MID1: variants seen among roughly 807,000 people sequenced by gnomAD.
MID1 encodes the protein E3 ubiquitin-protein ligase Midline-1.
Under a neutral mutation model 40.4 loss-of-function variants are expected in MID1, and 7 were observed. The ratio of observed to expected loss-of-function variants is 0.17; its 90% confidence interval spans 0.10 to 0.33. MID1 has a LOEUF of 0.33. MID1 is among the 10% of genes least tolerant of loss of function. The probability of loss-of-function intolerance (pLI) is 1.00; values close to 1 mark genes in which losing one functional copy is unlikely to be tolerated. For missense variants in MID1, 367 were observed against 558.5 expected (o/e 0.66, Z 3.46); for synonymous variants, 229 against 221.2 (o/e 1.04, Z -0.31).
At chrX:10,774,266 A>C (rs1392548578) in intron 1 of MID1, among the ~76,000 whole-genome samples, 1 of 111,210 alleles carries the variant, frequency 9.0e-6, no homozygotes, top group Admixed American at 9.6e-5. Flanking sequence ...ATGAAGGATC[A>C]GATAAAGAAA....
At chrX:10,585,914 G>C (rs1935131310) in intron 1 of MID1, among the ~76,000 whole-genome samples, 1 of 111,653 alleles carries the variant, frequency 9.0e-6, no homozygotes, top group Non-Finnish European at 1.9e-5. Context: ...ATTTCAAGGT[G>C]ACTTGTTTGG....
At chrX:10,717,720 C>G (rs1419117555) in intron 1 of MID1, among the ~76,000 whole-genome samples, 2 of 109,638 alleles carry the variant, frequency 1.8e-5, no homozygotes, top group African/African-American at 6.7e-5. Flanking sequence ...CAGAACTCTC[C>G]ACCCCAAATC....
At chrX:10,737,680 G>T (rs764066309) in intron 1 of MID1, among the ~76,000 whole-genome samples, 16 of 108,193 alleles carry the variant, frequency 1.5e-4, no homozygotes, top group Non-Finnish European at 2.3e-4. Context: ...GAAGAGAGAA[G>T]AAGGGGGATA....
intron 9 of MID1, among the ~76,000 whole-genome samples, 157 bp from the exon 10 acceptor site, chrX:10,449,873 G>C (rs1266716417): frequency 1.8e-5 from 2 of 112,099 alleles, no homozygotes. Context: ...CAACATCTGT[G>C]TTCCTCATCT....
intron 1 of MID1, among the ~76,000 whole-genome samples, chrX:10,570,270 C>T (rs1034268346): frequency 1.8e-5 from 2 of 112,156 alleles, no homozygotes; most frequent in Non-Finnish European, 3.8e-5. Context: ...ACATGACTCT[C>T]TGCTCCAGTG....
At chrX:10,461,797 T>C (rs1929058173) in intron 7 of MID1, among the ~76,000 whole-genome samples, 1 of 112,512 alleles carries the variant, frequency 8.9e-6, no homozygotes, top group South Asian at 3.6e-4. Flanking sequence ...ATGAGAATCG[T>C]ATCAATTTCA....
intron 1 of MID1, among the ~76,000 whole-genome samples, chrX:10,710,969 C>A (rs1425529191): frequency 1.8e-5 from 2 of 111,556 alleles, no homozygotes; most frequent in African/African-American, 6.5e-5. Flanking sequence ...CCGGCCATGT[C>A]TTTTCTTTAG....
At chrX:10,475,509 G>A (rs747437879) in intron 5 of MID1, among the ~76,000 whole-genome samples, 2 of 111,676 alleles carry the variant, frequency 1.8e-5, no homozygotes, top group South Asian at 7.5e-4. Flanking sequence ...TGTACTCTCA[G>A]GTTCATTTGG....
chrX:10,759,582 G>A (rs1007209936), intron 1 of MID1, among the ~76,000 whole-genome samples: 1 of 110,448 alleles, frequency 9.1e-6, no homozygotes, highest in Admixed American at 9.6e-5. Context: ...CCTAGGGGAC[G>A]GGGAGGGAGT....
At chrX:10,710,048 A>T (rs1465293914) in intron 1 of MID1, among the ~76,000 whole-genome samples, 1 of 111,580 alleles carries the variant, frequency 9.0e-6, no homozygotes, top group Admixed American at 9.6e-5. Context: ...TTGGGGGAAG[A>T]TTATGTGTCT....
intron 1 of MID1, among the ~76,000 whole-genome samples, chrX:10,630,669 A>G (rs1039077684): frequency 9.0e-6 from 1 of 110,924 alleles, no homozygotes; most frequent in Non-Finnish European, 1.9e-5. Context: ...GCTCAGGAGT[A>G]ACAATATCCA....
chrX:10,679,588 T>C (rs2043045939), intron 1 of MID1, among the ~76,000 whole-genome samples: 2 of 112,304 alleles, frequency 1.8e-5, no homozygotes, highest in South Asian at 7.5e-4. Context: ...GTTGAGTAGT[T>C]GCAGTATTGA....
At chrX:10,590,020 A>G (rs1035963205) in intron 1 of MID1, 2 of 110,910 alleles carry the variant, frequency 1.8e-5, no homozygotes, top group African/African-American at 6.6e-5. Context: ...GGTCCACGTA[A>G]GAGGGTTGTG....
chrX:10,730,020 G>C (rs1012845952), intron 1 of MID1, among the ~76,000 whole-genome samples: 2 of 107,925 alleles, frequency 1.9e-5, no homozygotes, highest in Admixed American at 9.9e-5. Flanking sequence ...GTAGGCGGAG[G>C]TTGCAGTGAG....
intron 1 of MID1, among the ~76,000 whole-genome samples, chrX:10,756,318 T>C (rs2043632737): frequency 8.9e-6 from 1 of 112,787 alleles, no homozygotes; most frequent in African/African-American, 3.2e-5. Flanking sequence ...AAGCGAGCAA[T>C]GAAATTAGAA....
chrX:10,725,960 T>A (rs1014767184), intron 1 of MID1, among the ~76,000 whole-genome samples: 4 of 112,525 alleles, frequency 3.6e-5, no homozygotes, highest in African/African-American at 1.3e-4. Context: ...TCCTTCACTG[T>A]CTCATAGTTA....
chrX:10,657,383 A>G (rs139063188), intron 1 of MID1, among the ~76,000 whole-genome samples: 2 of 112,084 alleles, frequency 1.8e-5, no homozygotes, highest in African/African-American at 6.5e-5. Context: ...TGAATACTCT[A>G]TAGGACAGGA....
rs1167878078 is a variant in MID1 at position 10,468,073 on chromosome X, A to G, written c.1285+1624T>C. 6.2e-5 allele frequency among the ~76,000 whole-genome samples: 7 copies of G among 112,040 alleles called. No homozygotes were observed. In the East Asian group the frequency reaches 1.7e-3, roughly 27 times the overall value. On this transcript the variant is annotated intron_variant, in intron 7 of 9. Transcript: ENST00000317552. Reference sequence around the variant, plus strand: ...CCCACTCACCATTTCTGACCTTTCTATATTCCCTACTGACTCAGGCAGCTT... The same window carrying G: ...CCCACTCACCATTTCTGACCTTTCTGTATTCCCTACTGACTCAGGCAGCTT...
intron 7 of MID1, among the ~76,000 whole-genome samples, chrX:10,467,144 G>A (rs913757317): frequency 1.8e-5 from 2 of 111,446 alleles, no homozygotes; most frequent in South Asian, 3.8e-4. Flanking sequence ...ATATGATACT[G>A]CCTCAAAAAG....
Sources: gnomAD v4.1 joint callset for allele counts (sites outside exome capture counted in the v4.1 genomes callset) on GRCh38, gnomAD v4.1.1 for gene constraint, MANE v1.5 for transcripts, NCBI Gene and HGNC (gene_info 2026-07-23, HGNC 2026-07-21) for gene names.